Variants in LINGO1 observed in about 807,000 individuals in gnomAD.
LINGO1 encodes the protein leucine-rich repeat and immunoglobulin-like domain-containing nogo receptor-interacting protein 1.
A neutral mutation model predicts 37.3 loss-of-function variants in LINGO1; 11 were observed. That is an observed-to-expected ratio of 0.29 (90% CI 0.19 to 0.49). LINGO1 has a LOEUF of 0.49. Among genes scored for constraint, LINGO1 ranks in the 20% least tolerant of loss-of-function variants. LINGO1 has a pLI of 0.99. For missense variants in LINGO1, 585 were observed against 878.2 expected (o/e 0.67, Z 4.22); for synonymous variants, 387 against 403.0 (o/e 0.96, Z 0.48).
intron 2 of LINGO1, among the ~76,000 whole-genome samples, chr15:77,687,416 T>C (rs1174934197): frequency 6.6e-6 from 1 of 152,154 alleles, no homozygotes; most frequent in African/African-American, 2.4e-5. Flanking sequence ...TACCCAGGGC[T>C]TTGACAATTA....
intron 1 of LINGO1, among the ~76,000 whole-genome samples, chr15:77,805,059 A>G (rs1305019472): frequency 6.6e-6 from 1 of 152,138 alleles, no homozygotes; most frequent in Non-Finnish European, 1.5e-5. Flanking sequence ...GGTATATTTG[A>G]GCCAGGATCC....
intron 1 of LINGO1, among the ~76,000 whole-genome samples, chr15:77,801,552 C>G (rs1211110595): frequency 6.6e-6 from 1 of 151,594 alleles, no homozygotes; most frequent in Non-Finnish European, 1.5e-5. Context: ...GTTGGGTCTT[C>G]TGTTGTAATC....
chr15:77,756,121 C>A (rs550821300), intron 1 of LINGO1, among the ~76,000 whole-genome samples: 1 of 152,258 alleles, frequency 6.6e-6, no homozygotes, highest in Non-Finnish European at 1.5e-5. Context: ...GGCATGGGCC[C>A]AGGTACACGC....
intron 1 of LINGO1, among the ~76,000 whole-genome samples, chr15:77,625,001 C>T (rs975754616): frequency 3.3e-5 from 5 of 152,212 alleles, no homozygotes; most frequent in African/African-American, 9.7e-5. Flanking sequence ...CCTTGGGACA[C>T]GCTTGCCTCA....
At chr15:77,663,130 C>G (rs1262926531) in intron 3 of LINGO1, among the ~76,000 whole-genome samples, 1 of 152,226 alleles carries the variant, frequency 6.6e-6, no homozygotes, top group African/African-American at 2.4e-5. Context: ...TAATATCTAA[C>G]TTAAATCAAA....
chr15:77,672,356 T>C (rs1273750126), intron 3 of LINGO1, among the ~76,000 whole-genome samples: 1 of 151,942 alleles, frequency 6.6e-6, no homozygotes, highest in Admixed American at 6.5e-5. Context: ...TGTCAGCTAA[T>C]GCCTGCAGAG....
intron 3 of LINGO1, among the ~76,000 whole-genome samples, chr15:77,640,629 CTGTT>C (rs1373311932): frequency 6.6e-6 from 1 of 152,144 alleles, no homozygotes; most frequent in Non-Finnish European, 1.5e-5. Context: ...GACCTGTCCT[CTGTT>C]TGGTGTTGGG....
chr15:77,668,810 C>G (rs1429228618), intron 3 of LINGO1, among the ~76,000 whole-genome samples: 1 of 151,392 alleles, frequency 6.6e-6, no homozygotes, highest in Non-Finnish European at 1.5e-5. Flanking sequence ...CACACACACA[C>G]ACACACACAC....
intron 1 of LINGO1, among the ~76,000 whole-genome samples, chr15:77,750,553 CCTGT>C (rs1212963681): frequency 6.6e-6 from 1 of 152,088 alleles, no homozygotes; most frequent in African/African-American, 2.4e-5. Flanking sequence ...TGCTTCTCTC[CCTGT>C]CTATCTCTCC....
At chr15:77,652,483 AGTGTGTGT>A (rs773433884) in intron 3 of LINGO1, among the ~76,000 whole-genome samples, 1,670 of 128,954 alleles carry the variant, frequency 0.013, 21 homozygotes, top group Non-Finnish European at 0.018. Context: ...GGGGAGGGAG[AGTGTGTGT>A]GTGTGTGTGT....
intron 1 of LINGO1, among the ~76,000 whole-genome samples, chr15:77,754,351 T>A (rs1209378054): frequency 6.6e-6 from 1 of 150,758 alleles, no homozygotes; most frequent in Non-Finnish European, 1.5e-5. Flanking sequence ...GAAGACAGAT[T>A]CCCCCATTCT....
intron 2 of LINGO1, among the ~76,000 whole-genome samples, chr15:77,714,966 G>A (rs536454086): frequency 2.0e-5 from 3 of 152,204 alleles, no homozygotes; most frequent in Admixed American, 6.5e-5. Flanking sequence ...TCACCTAGTC[G>A]AGTCATCTGT....
chr15:77,734,197 T>C (rs1259609837), intron 2 of LINGO1, among the ~76,000 whole-genome samples: 1 of 152,074 alleles, frequency 6.6e-6, no homozygotes, highest in Admixed American at 6.5e-5. Context: ...TGAGGAGGGG[T>C]GCCGTCTCCC....
intron 2 of LINGO1, among the ~76,000 whole-genome samples, chr15:77,731,138 T>G (rs1382079327): frequency 2.0e-5 from 3 of 152,224 alleles, no homozygotes; most frequent in Middle Eastern, 6.8e-3. Context: ...CACCCCTCCA[T>G]CCTGGCAGGC....
intron 3 of LINGO1, among the ~76,000 whole-genome samples, chr15:77,664,154 T>C (rs1350352952): frequency 7.4e-6 from 1 of 135,988 alleles, no homozygotes; most frequent in Non-Finnish European, 1.6e-5. Context: ...TGTGTGTGTG[T>C]GTGTGTGTGT....
intron 3 of LINGO1, among the ~76,000 whole-genome samples, chr15:77,640,292 G>A (rs2074476637): frequency 1.3e-5 from 2 of 152,198 alleles, no homozygotes; most frequent in Admixed American, 1.3e-4. Context: ...CTACATGGCA[G>A]GGGAGACTAA....
intron 2 of LINGO1, among the ~76,000 whole-genome samples, chr15:77,716,747 T>C (rs1334513071): frequency 1.3e-5 from 2 of 150,282 alleles, no homozygotes; most frequent in African/African-American, 4.8e-5. Flanking sequence ...AAGTCTGTCC[T>C]AGATGTCAGC....
In LINGO1 at chr15:77,632,506, C is replaced by T. The variant is rs949974521; in HGVS notation, c.-191G>A. 19 of 430,778 alleles carry T rather than the reference C, an allele frequency of 4.4e-5. No homozygotes were observed. Among genetic ancestry groups the T allele is most frequent in the South Asian group, 1.1e-4 (1 of 8,712 alleles). 26.7% of individuals were successfully genotyped at this position (430,778 alleles called of 1,614,324 possible). On this transcript the variant is annotated 5_prime_UTR_variant, in exon 1 of 2. Transcript: ENST00000355300. The surrounding 1 kb of genome is among the most constrained non-coding windows in gnomAD (Gnocchi z 6.0). ...CGCCCCGCGCGGGCGGGAGCCGAGC[C>T]GGAGCCGGGGCCGGGGCTCGGGAGT...
intron 1 of LINGO1, among the ~76,000 whole-genome samples, chr15:77,796,844 G>A (rs975081500): frequency 6.6e-6 from 1 of 152,162 alleles, no homozygotes; most frequent in African/African-American, 2.4e-5. Context: ...CCAAGGAGCT[G>A]GGACTACAGT....
Sources: gnomAD v4.1 joint callset for allele counts (sites outside exome capture counted in the v4.1 genomes callset) on GRCh38, gnomAD v4.1.1 for gene constraint, Gnocchi (gnomAD v3.1) non-coding constraint, MANE v1.5 for transcripts, NCBI Gene and HGNC (gene_info 2026-07-23, HGNC 2026-07-21) for gene names.